Variants in XYLT1 observed in about 807,000 individuals in gnomAD.
The protein encoded by XYLT1 is beta-D-xylosyltransferase 1.
A neutral mutation model predicts 91.3 loss-of-function variants in XYLT1; 36 were observed. That is an observed-to-expected ratio of 0.39 (90% CI 0.30 to 0.52). XYLT1 has a LOEUF of 0.52. Among genes scored for constraint, XYLT1 ranks in the 20% least tolerant of loss-of-function variants. XYLT1 has a pLI of 0.68. For missense variants in XYLT1, 1,242 were observed against 1,284.5 expected, an observed-to-expected ratio of 0.97 and a Z score of 0.51; for synonymous variants, 588 against 532.0, an observed-to-expected ratio of 1.11 and a Z score of -1.45.
At chr16:17,136,947 G>A (rs771962948) in intron 8 of XYLT1, among the ~76,000 whole-genome samples, 9 of 152,076 alleles carry the variant, frequency 5.9e-5, no homozygotes, top group Non-Finnish European at 8.8e-5. Context: ...GATTCTCTGC[G>A]ATTAGGGCAG....
chr16:17,246,001 T>A (rs1467963114), intron 3 of XYLT1, among the ~76,000 whole-genome samples: 1 of 152,164 alleles, frequency 6.6e-6, no homozygotes, highest in Non-Finnish European at 1.5e-5. Flanking sequence ...AACAGACAGA[T>A]TGAGCACAAG....
rs758010563 is a variant in XYLT1 at position 17,117,936 on chromosome 16, A to C, written c.2267T>G (p.Phe756Cys). The change falls in exon 11 of 12, where the codon TTT becomes TGT. Residue 756 changes from phenylalanine (F) to cysteine (C), a missense_variant. By Grantham distance (205) the Phe-to-Cys change is radical. Around this residue, in one of 3 missense-constraint regions of XYLT1, gnomAD observed 511 missense variants for 497.0 expected, o/e 1.03. Coordinates refer to ENST00000261381, the MANE Select transcript of XYLT1 (RefSeq NM_022166.4). ...ATCCATGGGCCCCAGAAGACCCCCA[A>C]AGTTGCGGAATAGCCTCTCCTTGGC... ...WDAKERLFRN[F>C]GGLLGPMDEP... 2.5e-5 allele frequency: 40 copies of C among 1,613,572 alleles called. No homozygotes were observed. In the Middle Eastern group the frequency reaches 6.6e-4, roughly 27 times the overall value.
chr16:17,449,920 C>A (rs2036643272), intron 1 of XYLT1, among the ~76,000 whole-genome samples: 1 of 152,218 alleles, frequency 6.6e-6, no homozygotes, highest in Non-Finnish European at 1.5e-5. Flanking sequence ...CAGGCAATTT[C>A]TGAAGGAAAC....
At chr16:17,311,430 G>C (rs904558263) in intron 2 of XYLT1, among the ~76,000 whole-genome samples, 1 of 152,296 alleles carries the variant, frequency 6.6e-6, no homozygotes, top group Admixed American at 6.5e-5. Flanking sequence ...TTCACCCCCA[G>C]TATGTGATTC....
At chr16:17,469,599 A>C (rs996800917) in intron 1 of XYLT1, among the ~76,000 whole-genome samples, 2 of 152,214 alleles carry the variant, frequency 1.3e-5, no homozygotes, top group Admixed American at 6.5e-5. Context: ...ATCTGCGGAA[A>C]AAACAGTTTC....
intron 1 of XYLT1, among the ~76,000 whole-genome samples, chr16:17,429,289 C>T (rs2036359201): frequency 6.6e-6 from 1 of 151,194 alleles, no homozygotes; most frequent in Non-Finnish European, 1.5e-5. Context: ...TTCCTTGCCA[C>T]AAACAGAGTA....
At chr16:17,273,573 G>T (rs1291798495) in intron 2 of XYLT1, among the ~76,000 whole-genome samples, 1 of 152,194 alleles carries the variant, frequency 6.6e-6, no homozygotes, top group Non-Finnish European at 1.5e-5. Context: ...GCCAGGCATG[G>T]TGGCTCATGC....
intron 6 of XYLT1, among the ~76,000 whole-genome samples, chr16:17,147,487 A>G (rs2031164666): frequency 6.6e-6 from 1 of 152,236 alleles, no homozygotes; most frequent in Non-Finnish European, 1.5e-5. Context: ...TAATATTCAA[A>G]TACAATATTT....
At chr16:17,434,708 TA>T (rs1368332046) in intron 1 of XYLT1, among the ~76,000 whole-genome samples, 1 of 152,014 alleles carries the variant, frequency 6.6e-6, no homozygotes, top group Non-Finnish European at 1.5e-5. Flanking sequence ...ATAATACTGA[TA>T]ATTACAAAAT....
chr16:17,300,105 G>A (rs1043732143), intron 2 of XYLT1, among the ~76,000 whole-genome samples: 9 of 152,136 alleles, frequency 5.9e-5, no homozygotes, highest in African/African-American at 2.2e-4. Context: ...TAACCAGGTC[G>A]GGAGGAATTT....
At chr16:17,111,112 A>G (rs1966839925) in intron 11 of XYLT1, among the ~76,000 whole-genome samples, 1 of 151,658 alleles carries the variant, frequency 6.6e-6, no homozygotes, top group Non-Finnish European at 1.5e-5. Flanking sequence ...TTGAGCCGAG[A>G]TCACACCATT....
At chr16:17,189,401 A>C (rs2032259569) in intron 5 of XYLT1, among the ~76,000 whole-genome samples, 1 of 152,180 alleles carries the variant, frequency 6.6e-6, no homozygotes, top group African/African-American at 2.4e-5. Context: ...ATGGCCAAAC[A>C]GTCACCAGGG....
At chr16:17,469,291 C>G (rs996855297) in intron 1 of XYLT1, among the ~76,000 whole-genome samples, 11 of 152,230 alleles carry the variant, frequency 7.2e-5, no homozygotes, top group Admixed American at 7.2e-4. Context: ...GAAACCATCC[C>G]CCTGGTGTCT....
At chr16:17,282,465 A>G (rs953183655) in intron 2 of XYLT1, among the ~76,000 whole-genome samples, 22 of 152,198 alleles carry the variant, frequency 1.4e-4, no homozygotes, top group Admixed American at 3.9e-4. Context: ...AAATAACAAC[A>G]TTTGGTTTGC....
chr16:17,115,931 C>T (rs1216599012), intron 11 of XYLT1, among the ~76,000 whole-genome samples: 2 of 147,896 alleles, frequency 1.4e-5, no homozygotes, highest in Non-Finnish European at 3.0e-5. Flanking sequence ...TTCCTTAACC[C>T]AGTGGAATAT....
At chr16:17,463,051 CAT>C (rs1167514052) in intron 1 of XYLT1, among the ~76,000 whole-genome samples, 1 of 152,076 alleles carries the variant, frequency 6.6e-6, no homozygotes, top group African/African-American at 2.4e-5. Context: ...AACTAGGCCC[CAT>C]CACTCACCAT....
intron 8 of XYLT1, among the ~76,000 whole-genome samples, chr16:17,137,835 C>CTGAT (rs2030800183): frequency 6.6e-6 from 1 of 152,350 alleles, no homozygotes; most frequent in Admixed American, 6.5e-5. Context: ...GTCGATATCA[C>CTGAT]TGATGAGGGT....
At chr16:17,198,073 T>C in intron 5 of XYLT1, 139 bp downstream of exon 5, 1 of 834,788 alleles carries the variant, frequency 1.2e-6, no homozygotes, top group Non-Finnish European at 1.9e-6. Context: ...TCAATGATTC[T>C]CAGGTCCAAT....
At chr16:17,118,069 A>C (rs1470871354) in intron 10 of XYLT1, 90 bp from the exon 11 acceptor site, 2 of 1,329,560 alleles carry the variant, frequency 1.5e-6, no homozygotes, top group African/African-American at 3.0e-5. Flanking sequence ...GTTAGCTTTC[A>C]TATACCCATT....
Sources: gnomAD v4.1 joint callset for allele counts (sites outside exome capture counted in the v4.1 genomes callset) on GRCh38, gnomAD v4.1.1 for gene constraint, gnomAD v4.1.1 regional missense constraint, MANE v1.5 for transcripts, NCBI Gene and HGNC (gene_info 2026-07-23, HGNC 2026-07-21) for gene names.